Variants in CSMD1 observed in about 807,000 individuals in gnomAD.
CSMD1 encodes CUB and Sushi multiple domains 1, also known as CUB and sushi domain-containing protein 1.
In CSMD1, 213 loss-of-function variants were observed where a neutral mutation model predicts 417.5. The ratio of observed to expected loss-of-function variants is 0.51; its 90% CI spans 0.46 to 0.57. The LOEUF is 0.57. Among genes scored for constraint, CSMD1 ranks in the 20% least tolerant of loss-of-function variants. The pLI is 0.00. For synonymous variants in CSMD1, 2,862 were observed against 1,736.8 expected (o/e 1.65, Z -16.11); for missense variants, 6,923 against 4,529.7 (o/e 1.53, Z -15.17).
At chr8:3,443,194 C>A (rs769142) in intron 12 of CSMD1, among the ~76,000 whole-genome samples, 2 of 152,138 alleles carry the variant, frequency 1.3e-5, no homozygotes, top group Non-Finnish European at 2.9e-5. Flanking sequence ...AGAGGATACA[C>A]GCACAAGGCT....
intron 5 of CSMD1, among the ~76,000 whole-genome samples, chr8:3,791,630 C>A (rs1029117510): frequency 6.6e-6 from 1 of 152,136 alleles, no homozygotes; most frequent in Non-Finnish European, 1.5e-5. Context: ...TCAAGACCAG[C>A]CTGGTCAGCA....
chr8:3,217,682 A>C (rs1797959093), intron 29 of CSMD1, among the ~76,000 whole-genome samples: 1 of 152,210 alleles, frequency 6.6e-6, no homozygotes, highest in Non-Finnish European at 1.5e-5. Context: ...CCCATCTCAA[A>C]GGCATAGGAT....
At chr8:4,957,571 C>G (rs960419894) in intron 1 of CSMD1, among the ~76,000 whole-genome samples, 1 of 151,822 alleles carries the variant, frequency 6.6e-6, no homozygotes, top group African/African-American at 2.4e-5. Flanking sequence ...TCTTTGTAGA[C>G]AATTAAAAAT....
In CSMD1 at chr8:4,452,154, G is replaced by C. The variant is rs138308221; in HGVS notation, c.303-32089C>G. ...AAACACCAGCTTTCATTGTGCTTGG[G>C]AGTTTCCATGCCTCTTCCTTCTCTT... On this transcript the variant is annotated intron_variant, in intron 2 of 69. Transcript: ENST00000635120. Among the ~76,000 whole-genome samples, 524 of 152,178 alleles carry C rather than the reference G, an allele frequency of 3.4e-3. 6 individuals carry two copies. The highest frequency in any genetic ancestry group is 0.012 in the African/African-American group (507 of 41,524).
At chr8:4,344,441 C>A (rs963994500) in intron 3 of CSMD1, among the ~76,000 whole-genome samples, 1 of 151,996 alleles carries the variant, frequency 6.6e-6, no homozygotes, top group Non-Finnish European at 1.5e-5. Flanking sequence ...TAAAACTGAA[C>A]TGCTCAAAGA....
At chr8:3,608,391 G>A (rs541802393) in intron 8 of CSMD1, among the ~76,000 whole-genome samples, 9 of 152,084 alleles carry the variant, frequency 5.9e-5, no homozygotes, top group Non-Finnish European at 8.8e-5. Flanking sequence ...AAGTTTCAGA[G>A]AATTCAGGGA....
At chr8:4,094,818 C>T (rs763178083) in intron 3 of CSMD1, among the ~76,000 whole-genome samples, 27 of 152,018 alleles carry the variant, frequency 1.8e-4, no homozygotes, top group Non-Finnish European at 3.1e-4. Context: ...AGGGAGCAAA[C>T]GCTTATCAAG....
intron 5 of CSMD1, among the ~76,000 whole-genome samples, chr8:3,783,017 C>G (rs558988708): frequency 5.5e-4 from 84 of 152,248 alleles, no homozygotes; most frequent in Middle Eastern, 3.4e-3. Context: ...TATAGCACAT[C>G]GCAAGCACGC....
chr8:3,868,079 T>C (rs759523134), intron 5 of CSMD1, among the ~76,000 whole-genome samples: 10 of 152,138 alleles, frequency 6.6e-5, no homozygotes, highest in Admixed American at 4.6e-4. Context: ...ATATCTCTCA[T>C]GATGCTTAAT....
intron 3 of CSMD1, among the ~76,000 whole-genome samples, chr8:4,174,194 C>T (rs1292168889): frequency 1.3e-5 from 2 of 152,106 alleles, no homozygotes; most frequent in African/African-American, 2.4e-5. Context: ...CTGAGGAAAA[C>T]CCAGAGCCTC....
intron 1 of CSMD1, chr8:4,787,500 G>C (rs1563383609): frequency 1.1e-6 from 1 of 932,342 alleles, no homozygotes; most frequent in Non-Finnish European, 1.7e-6. Flanking sequence ...ATCACCAGTT[G>C]TATTTTTCAG....
intron 3 of CSMD1, among the ~76,000 whole-genome samples, chr8:4,048,738 T>A (rs191445337): frequency 6.6e-6 from 1 of 152,214 alleles, no homozygotes; most frequent in South Asian, 2.1e-4. Flanking sequence ...TGTATATCTA[T>A]AGAACTATAT....
chr8:4,595,171 C>T (rs1405453520), intron 2 of CSMD1, among the ~76,000 whole-genome samples: 1 of 151,804 alleles, frequency 6.6e-6, no homozygotes, highest in African/African-American at 2.4e-5. Flanking sequence ...AAGAGTGTTA[C>T]TAATTAATTG....
intron 3 of CSMD1, among the ~76,000 whole-genome samples, chr8:4,269,075 G>C (rs1011310260): frequency 5.3e-5 from 8 of 152,046 alleles, no homozygotes; most frequent in Admixed American, 1.3e-4. Context: ...TTTTGTTTTT[G>C]AGACGGAGTC....
chr8:4,266,269 A>G (rs1463023211), intron 3 of CSMD1, among the ~76,000 whole-genome samples: 1 of 105,412 alleles, frequency 9.5e-6, no homozygotes, highest in African/African-American at 2.6e-5. Flanking sequence ...AATACCAAAG[A>G]AAATTTTATA....
At chr8:3,517,545 GGGA>G (rs943467573) in intron 10 of CSMD1, among the ~76,000 whole-genome samples, 2 of 152,170 alleles carry the variant, frequency 1.3e-5, no homozygotes, top group African/African-American at 4.8e-5. Flanking sequence ...CTGGGAGAAT[GGGA>G]GGAGAAGTCT....
chr8:4,243,468 C>A (rs1010865243), intron 3 of CSMD1, among the ~76,000 whole-genome samples: 3 of 152,100 alleles, frequency 2.0e-5, no homozygotes, highest in Admixed American at 1.3e-4. Context: ...CGGCTTCTAG[C>A]CAGTATGTCT....
chr8:3,070,838 C>A (rs549358943), intron 49 of CSMD1, among the ~76,000 whole-genome samples: 2 of 152,190 alleles, frequency 1.3e-5, no homozygotes, highest in South Asian at 4.1e-4. Flanking sequence ...TCCTTGGTAC[C>A]AATTTTCTGT....
intron 10 of CSMD1, among the ~76,000 whole-genome samples, chr8:3,504,039 G>T (rs1585266554): frequency 6.6e-6 from 1 of 152,240 alleles, no homozygotes; most frequent in East Asian, 1.9e-4. Flanking sequence ...ACTGCAGGGT[G>T]ACTGTCATGA....
Sources: allele counts gnomAD v4.1 joint callset (sites outside exome capture counted in the v4.1 genomes callset), GRCh38; gene constraint gnomAD v4.1.1; transcripts MANE v1.5; gene names NCBI Gene and HGNC (gene_info 2026-07-23, HGNC 2026-07-21).